The following THEMIS variants were observed in gnomAD, a reference collection of about 807,000 sequenced individuals.
The protein encoded by THEMIS is protein THEMIS.
THEMIS carries 37 observed loss-of-function variants against 52.6 expected under a neutral mutation model. That is an observed-to-expected ratio of 0.70 (90% CI 0.54 to 0.93). The LOEUF (loss-of-function observed/expected upper bound fraction) is 0.93. Ranked by LOEUF, THEMIS falls within the 40% of genes least tolerant of loss-of-function variation. THEMIS has a pLI of 0.00. For missense variants in THEMIS, 808 were observed against 763.1 expected, an observed-to-expected ratio of 1.06 and a Z score of -0.69; for synonymous variants, 292 against 272.7, an observed-to-expected ratio of 1.07 and a Z score of -0.70.
chr6:127,869,363 A>G (rs1295070332), intron 1 of THEMIS, among the ~76,000 whole-genome samples: 2 of 152,200 alleles, frequency 1.3e-5, no homozygotes, highest in African/African-American at 2.4e-5. Context: ...AGTGCACTAT[A>G]GAGTATCAGT....
chr6:127,850,240 G>C (rs907844660), intron 2 of THEMIS, among the ~76,000 whole-genome samples: 2 of 151,920 alleles, frequency 1.3e-5, no homozygotes, highest in African/African-American at 4.8e-5. Flanking sequence ...AAAAACAATA[G>C]ATGATAGATG....
At chr6:127,773,844 T>C (rs1776467150) in intron 4 of THEMIS, among the ~76,000 whole-genome samples, 1 of 152,240 alleles carries the variant, frequency 6.6e-6, no homozygotes, top group African/African-American at 2.4e-5. Flanking sequence ...TTTAGTATAA[T>C]CTTATGGTCT....
At chr6:127,701,588 G>A in the THEMIS span, among the ~76,000 whole-genome samples, 4 of 152,082 alleles carry the variant, frequency 2.6e-5, no homozygotes, top group African/African-American at 9.7e-5. Flanking sequence ...TAGGGTAGGT[G>A]TATGTTTAGC....
At chr6:127,698,251 T>C in the THEMIS span, among the ~76,000 whole-genome samples, 1 of 152,128 alleles carries the variant, frequency 6.6e-6, no homozygotes, top group African/African-American at 2.4e-5. Context: ...TTTTTAACAA[T>C]GTTTAGGTTT....
At chr6:127,789,148 A>G (rs190262112) in intron 4 of THEMIS, among the ~76,000 whole-genome samples, 1 of 152,180 alleles carries the variant, frequency 6.6e-6, no homozygotes, top group African/African-American at 2.4e-5. Flanking sequence ...CTAATAAAGA[A>G]GAGAGAAGAA....
chr6:127,871,744 C>T (rs1780162761), intron 1 of THEMIS, among the ~76,000 whole-genome samples: 1 of 152,084 alleles, frequency 6.6e-6, no homozygotes, highest in Non-Finnish European at 1.5e-5. Flanking sequence ...TACTACTTCT[C>T]ATCCAGTATG....
chr6:127,882,767 AC>A (rs1479036917), intron 1 of THEMIS, among the ~76,000 whole-genome samples: 1 of 151,932 alleles, frequency 6.6e-6, no homozygotes, highest in Non-Finnish European at 1.5e-5. Flanking sequence ...AGTATTTAAA[AC>A]CTGTGAAATA....
At chr6:127,875,100 A>G (rs1780274418) in intron 1 of THEMIS, among the ~76,000 whole-genome samples, 1 of 152,244 alleles carries the variant, frequency 6.6e-6, no homozygotes, top group South Asian at 2.1e-4. Flanking sequence ...TACTTGAAAC[A>G]TCCCCAAAAC....
chr6:127,757,496 T>C (rs551535777), intron 4 of THEMIS, among the ~76,000 whole-genome samples: 3 of 152,276 alleles, frequency 2.0e-5, no homozygotes, highest in Non-Finnish European at 4.4e-5. Flanking sequence ...TTTTTTTTCT[T>C]TTTTGAGACG....
chr6:127,874,031 A>G (rs115244609), intron 1 of THEMIS, among the ~76,000 whole-genome samples: 1,625 of 152,314 alleles, frequency 0.011, 26 homozygotes, highest in African/African-American at 0.037. Context: ...GGGAATACCA[A>G]TAGCATCATT....
intron 1 of THEMIS, among the ~76,000 whole-genome samples, chr6:127,883,186 A>T (rs1056181182): frequency 4.6e-5 from 7 of 152,006 alleles, no homozygotes; most frequent in African/African-American, 1.7e-4. Context: ...GTCATAAAAT[A>T]TCTTACAAGA....
chr6:127,813,388 T>C lies in THEMIS; in HGVS notation c.1253A>G (p.Lys418Arg), dbSNP rs1422623174. Residue 418 changes from lysine to arginine, a missense_variant, in exon 4 of 6, where the codon AAA becomes AGA. Physicochemically the swap from Lys to Arg is conservative, Grantham distance 26. Coordinates refer to ENST00000368248, the MANE Select transcript of THEMIS (RefSeq NM_001010923.3). ...GAGCAGCGCAGCCTCATAGGACTTT[T>C]TGAGGATTTTTTCACAGGCCAGAAC... ...VNVLACEKIL[K>R]KSYEAALLPL... The C allele has an allele frequency of 5.0e-6, 8 of 1,613,650 alleles. No individual in the cohort carries two copies. The highest frequency in any genetic ancestry group is 1.7e-5 in the Admixed American group (1 of 59,952).
chr6:127,757,283 A>T lies in THEMIS; in HGVS notation c.1759-37460T>A, dbSNP rs1775860214. 2.0e-5 allele frequency among the ~76,000 whole-genome samples: 3 copies of T among 152,330 alleles called. 1 individual carries two copies. The South Asian group carries it at 6.2e-4, about 32-fold the overall frequency. ...GGCAATGTATCTAAGCCTTGGGTAAATATACAAATTTTTTCTTGAATAGAC... is the reference window on the plus strand; with the variant it reads ...GGCAATGTATCTAAGCCTTGGGTAATTATACAAATTTTTTCTTGAATAGAC... On this transcript the variant is annotated intron_variant, in intron 4 of 5. Transcript: ENST00000368248.
chr6:127,861,300 T>G (rs1779788382), intron 1 of THEMIS, among the ~76,000 whole-genome samples: 1 of 152,204 alleles, frequency 6.6e-6, no homozygotes, highest in East Asian at 1.9e-4. Flanking sequence ...AACCATAAAC[T>G]TGTTCTCTAT....
chr6:127,859,158 C>T (rs1341921050), intron 1 of THEMIS, among the ~76,000 whole-genome samples: 2 of 152,036 alleles, frequency 1.3e-5, no homozygotes, highest in Non-Finnish European at 2.9e-5. Context: ...ACTCTCCCTC[C>T]ATTACTGCCT....
chr6:127,887,446 C>T (rs1236286999), intron 1 of THEMIS, among the ~76,000 whole-genome samples: 4 of 152,050 alleles, frequency 2.6e-5, no homozygotes, highest in Non-Finnish European at 5.9e-5. Context: ...TACTTGCAAT[C>T]ATGAAACAAT....
At chr6:127,719,858 C>T in intron 4 of THEMIS, 35 bp from the exon 5 acceptor site, 1 of 1,603,678 alleles carries the variant, frequency 6.2e-7, no homozygotes, top group Non-Finnish European at 8.5e-7. Context: ...AATTATCAGT[C>T]CAAAATAAAT....
chr6:127,846,930 T>C (rs541258203), intron 2 of THEMIS, among the ~76,000 whole-genome samples: 5 of 152,028 alleles, frequency 3.3e-5, no homozygotes, highest in African/African-American at 1.2e-4. Context: ...ATCAAAAAGA[T>C]AATACATCAT....
At chr6:127,811,053 A>G (rs185533679) in intron 4 of THEMIS, among the ~76,000 whole-genome samples, 1 of 152,130 alleles carries the variant, frequency 6.6e-6, no homozygotes, top group Non-Finnish European at 1.5e-5. Context: ...CAAACAAACA[A>G]CAACAAAAAA....
Sources: allele counts gnomAD v4.1 joint callset (sites outside exome capture counted in the v4.1 genomes callset), GRCh38; gene constraint gnomAD v4.1.1; transcripts MANE v1.5; gene names NCBI Gene and HGNC (gene_info 2026-07-23, HGNC 2026-07-21).